RSU1: variants seen among roughly 807,000 people sequenced by gnomAD.
RSU1 encodes the protein rsu-1.
Under a neutral mutation model 31.1 loss-of-function variants are expected in RSU1, and 26 were observed. That is an observed-to-expected ratio of 0.84 (90% CI 0.61 to 1.16). The LOEUF is 1.16. Among genes scored for constraint, RSU1 ranks in the 50% most tolerant of loss-of-function variants. The pLI is 0.00. For missense variants in RSU1, 320 were observed against 339.1 expected (o/e 0.94, Z 0.44); for synonymous variants, 164 against 136.3 (o/e 1.20, Z -1.41).
In RSU1 at chr10:16,758,992, T is replaced by C. The variant is rs531596529; in HGVS notation, c.282-4003A>G. ...AAATGCCTGCATATGATGGAGAAGTTGATAAAACCAGGGGGTTTCAGGCTA... is the reference window on the plus strand; with the variant it reads ...AAATGCCTGCATATGATGGAGAAGTCGATAAAACCAGGGGGTTTCAGGCTA... On this transcript the variant is annotated intron_variant, in intron 4 of 8. Transcript: ENST00000345264. Among the ~76,000 whole-genome samples, 5 of 152,288 alleles carry C rather than the reference T, an allele frequency of 3.3e-5. No individual in the cohort carries two copies. The East Asian group carries it at 7.7e-4, about 24-fold the overall frequency.
intron 7 of RSU1, among the ~76,000 whole-genome samples, chr10:16,712,000 G>C (rs984000893): frequency 1.3e-5 from 2 of 151,938 alleles, no homozygotes; most frequent in Admixed American, 1.3e-4. Context: ...TGTTTGTTTT[G>C]TACATCTGTA....
chr10:16,681,075 A>G (rs1835321141), intron 8 of RSU1, among the ~76,000 whole-genome samples: 1 of 152,212 alleles, frequency 6.6e-6, no homozygotes, highest in Admixed American at 6.5e-5. Context: ...TGCTGGAGAA[A>G]AACAAAGAGA....
intron 4 of RSU1, among the ~76,000 whole-genome samples, chr10:16,757,347 C>T (rs1399828456): frequency 6.6e-6 from 1 of 152,132 alleles, no homozygotes; most frequent in Admixed American, 6.5e-5. Flanking sequence ...ACACATTCAG[C>T]TCCATCCAGC....
chr10:16,717,064 A>T (rs1836156874), intron 7 of RSU1, among the ~76,000 whole-genome samples: 1 of 152,170 alleles, frequency 6.6e-6, no homozygotes, highest in Non-Finnish European at 1.5e-5. Flanking sequence ...AATTAACTTT[A>T]TTTTTTTATT....
At chr10:16,676,758 C>A (rs1471562972) in intron 8 of RSU1, among the ~76,000 whole-genome samples, 1 of 152,148 alleles carries the variant, frequency 6.6e-6, no homozygotes, top group East Asian at 1.9e-4. Context: ...ATTAGGGATA[C>A]TCAACCTGTA....
chr10:16,683,655 A>G (rs1835379496), intron 8 of RSU1, among the ~76,000 whole-genome samples: 1 of 152,206 alleles, frequency 6.6e-6, no homozygotes, highest in Admixed American at 6.5e-5. Flanking sequence ...AAATATTTGG[A>G]GAGATTTATT....
chr10:16,777,989 C>A (rs1837569950), intron 3 of RSU1, among the ~76,000 whole-genome samples: 1 of 150,170 alleles, frequency 6.7e-6, no homozygotes, highest in Non-Finnish European at 1.5e-5. Flanking sequence ...ATGAGATGGC[C>A]ATCATTTATT....
intron 2 of RSU1, among the ~76,000 whole-genome samples, chr10:16,788,453 A>G (rs369530240): frequency 6.6e-6 from 1 of 152,314 alleles, no homozygotes; most frequent in African/African-American, 2.4e-5. Context: ...AAGAGGAGAC[A>G]TGTGAGACAC....
At chr10:16,597,250 C>T (rs1323966877) in intron 8 of RSU1, among the ~76,000 whole-genome samples, 2 of 152,190 alleles carry the variant, frequency 1.3e-5, no homozygotes, top group African/African-American at 4.8e-5. Flanking sequence ...GGGATCCAGG[C>T]AAGCGATTTC....
At chr10:16,636,883 C>T (rs1834352377) in intron 8 of RSU1, among the ~76,000 whole-genome samples, 1 of 152,216 alleles carries the variant, frequency 6.6e-6, no homozygotes, top group African/African-American at 2.4e-5. Flanking sequence ...TTATCACCCA[C>T]CATTGGGCAC....
chr10:16,741,081 A>G (rs1368251316), intron 7 of RSU1, among the ~76,000 whole-genome samples: 1 of 152,244 alleles, frequency 6.6e-6, no homozygotes, highest in Non-Finnish European at 1.5e-5. Context: ...CAACAGTACT[A>G]AAGATAGTGT....
intron 7 of RSU1, among the ~76,000 whole-genome samples, chr10:16,732,226 CT>C (rs1269094403): frequency 2.0e-5 from 3 of 152,186 alleles, no homozygotes; most frequent in African/African-American, 7.2e-5. Flanking sequence ...TATACCACTG[CT>C]TTGCATTTTC....
chr10:16,770,508 A>T (rs958554362), intron 3 of RSU1, among the ~76,000 whole-genome samples: 1 of 151,880 alleles, frequency 6.6e-6, no homozygotes, highest in African/African-American at 2.4e-5. Flanking sequence ...TCTCCACCAA[A>T]CTTCTGGGGA....
intron 8 of RSU1, among the ~76,000 whole-genome samples, chr10:16,676,391 T>A (rs1472467024): frequency 6.6e-6 from 1 of 152,026 alleles, no homozygotes; most frequent in Non-Finnish European, 1.5e-5. Flanking sequence ...TATAAAACCA[T>A]CAGATCTCAT....
chr10:16,702,935 C>T (rs1835823438), intron 7 of RSU1, among the ~76,000 whole-genome samples: 1 of 152,194 alleles, frequency 6.6e-6, no homozygotes, highest in Non-Finnish European at 1.5e-5. Context: ...GGAGGGAGGC[C>T]TGGTGTGAGG....
At chr10:16,634,753 T>A (rs1259189587) in intron 8 of RSU1, among the ~76,000 whole-genome samples, 1 of 152,210 alleles carries the variant, frequency 6.6e-6, no homozygotes, top group Non-Finnish European at 1.5e-5. Context: ...CCCAGTTACC[T>A]CAATTACCTA....
chr10:16,699,864 C>G (rs1188956479), intron 7 of RSU1, among the ~76,000 whole-genome samples: 1 of 152,228 alleles, frequency 6.6e-6, no homozygotes, highest in African/African-American at 2.4e-5. Context: ...GAGGCTTATT[C>G]TGCAATTGCA....
At chr10:16,796,470 C>A (rs935557702) in intron 2 of RSU1, among the ~76,000 whole-genome samples, 13 of 152,150 alleles carry the variant, frequency 8.5e-5, no homozygotes, top group African/African-American at 3.1e-4. Context: ...CCCACAAACC[C>A]TCACCCTCTT....
intron 2 of RSU1, among the ~76,000 whole-genome samples, chr10:16,795,699 A>G (rs1326346320): frequency 6.6e-6 from 1 of 152,226 alleles, no homozygotes; most frequent in African/African-American, 2.4e-5. Flanking sequence ...TGCCAACTGC[A>G]TGGCATTTTA....
Sources: gnomAD v4.1 joint callset for allele counts (sites outside exome capture counted in the v4.1 genomes callset) on GRCh38, gnomAD v4.1.1 for gene constraint, MANE v1.5 for transcripts, NCBI Gene and HGNC (gene_info 2026-07-23, HGNC 2026-07-21) for gene names.